SPRED2: variants seen among roughly 807,000 people sequenced by gnomAD.
The protein encoded by SPRED2 is sprouty related EVH1 domain containing 2.
SPRED2 carries 47 observed loss-of-function variants against 43.0 expected under a neutral mutation model. The ratio of observed to expected loss-of-function variants is 1.09; its 90% confidence interval spans 0.87 to 1.40. SPRED2 has a LOEUF of 1.40. Among genes scored for constraint, SPRED2 ranks in the 40% most tolerant of loss-of-function variants. The pLI, the probability that SPRED2 is intolerant of heterozygous loss-of-function variation, is 0.00. For synonymous variants in SPRED2, 225 were observed against 225.7 expected, an observed-to-expected ratio of 1.00 and a Z score of 0.03; for missense variants, 561 against 586.4, an observed-to-expected ratio of 0.96 and a Z score of 0.45.
chr2:65,379,118 C>A (rs915975997), intron 1 of SPRED2, among the ~76,000 whole-genome samples: 2 of 152,092 alleles, frequency 1.3e-5, no homozygotes, highest in African/African-American at 4.8e-5. Context: ...AGGGACTTGG[C>A]AAACAGGTTA....
chr2:65,377,434 C>A (rs1427872413), intron 1 of SPRED2, among the ~76,000 whole-genome samples: 1 of 152,208 alleles, frequency 6.6e-6, no homozygotes, highest in African/African-American at 2.4e-5. Flanking sequence ...ATTATTTAGG[C>A]TGCCCATTCT....
chr2:65,358,937 G>A (rs1039518073), intron 1 of SPRED2, among the ~76,000 whole-genome samples: 1 of 152,218 alleles, frequency 6.6e-6, no homozygotes, highest in Non-Finnish European at 1.5e-5. Flanking sequence ...GGGAGAAAAG[G>A]TAAGGAGGAG....
At chr2:65,409,026 C>T (rs1383376496) in intron 1 of SPRED2, among the ~76,000 whole-genome samples, 2 of 152,180 alleles carry the variant, frequency 1.3e-5, no homozygotes, top group Non-Finnish European at 2.9e-5. Flanking sequence ...ACCTCTTCAT[C>T]GACCCCAGAC....
At chr2:65,416,789 T>C (rs1395862171) in intron 1 of SPRED2, among the ~76,000 whole-genome samples, 3 of 152,146 alleles carry the variant, frequency 2.0e-5, no homozygotes, top group Non-Finnish European at 4.4e-5. Flanking sequence ...CTCCGGATAC[T>C]GTGTCTTGGT....
intron 1 of SPRED2, among the ~76,000 whole-genome samples, chr2:65,373,045 T>G (rs889481641): frequency 2.6e-5 from 4 of 152,242 alleles, no homozygotes; most frequent in Admixed American, 2.6e-4. Flanking sequence ...GCTGTGGACA[T>G]GGAAATGTCT....
intron 1 of SPRED2, among the ~76,000 whole-genome samples, chr2:65,400,324 T>A (rs1166708938): frequency 2.0e-5 from 3 of 152,244 alleles, no homozygotes; most frequent in Non-Finnish European, 4.4e-5. Flanking sequence ...CTATATTAAA[T>A]ATTGCCTCCC....
chr2:65,339,221 G>C (rs1674103403), intron 2 of SPRED2, among the ~76,000 whole-genome samples: 1 of 151,736 alleles, frequency 6.6e-6, no homozygotes, highest in Non-Finnish European at 1.5e-5. Context: ...CCGTCTGGGA[G>C]GTGTGCCCAA....
chr2:65,312,272 G>A lies in SPRED2; in HGVS notation c.*1229C>T. ...TGCAGGAGAAAGACACTTAGGCATT[G>A]GAAGGGTTTTTACATATGGCCTTGT... On this transcript the variant is annotated 3_prime_UTR_variant, in exon 6 of 6. Transcript: ENST00000356388. The A allele has an allele frequency of 1.0e-6, 1 of 985,534 alleles. No homozygotes were observed. The highest frequency in any genetic ancestry group is 1.2e-6 in the Non-Finnish European group (1 of 829,932). The allele number at this position is 985,534 out of a possible 1,614,324, so 61.0% of individuals were successfully genotyped here. A position where few individuals can be genotyped will look rare whatever the true frequency, so the allele number is the denominator to read the frequency against.
At chr2:65,412,979 A>T (rs1041463444) in intron 1 of SPRED2, among the ~76,000 whole-genome samples, 4 of 152,186 alleles carry the variant, frequency 2.6e-5, no homozygotes, top group Non-Finnish European at 5.9e-5. Flanking sequence ...TAAGCAGATC[A>T]TTCACCTTCT....
chr2:65,413,924 C>T (rs1457001969), intron 1 of SPRED2, among the ~76,000 whole-genome samples: 1 of 152,150 alleles, frequency 6.6e-6, no homozygotes, highest in Non-Finnish European at 1.5e-5. Context: ...TATAAATTTT[C>T]AACAATCAAG....
rs202087162 is a variant in SPRED2 at position 65,338,169 on chromosome 2, CG to C, written c.205-3397del. 2.1e-3 allele frequency among the ~76,000 whole-genome samples: 114 copies of C among 53,532 alleles called. 5 individuals carry two copies. The East Asian group carries it at 0.033, about 16-fold the overall frequency. 35.1% of individuals were successfully genotyped at this position (53,532 alleles called of 152,430 possible). ...CTCTCCCTCTCCCGTCTCCCTCTCC[CG>C]TCTCCCGTCTCCCTCTCCCTCTCCC... is the stretch of plus-strand genomic sequence containing the variant. On this transcript the variant is annotated intron_variant, in intron 2 of 5. Transcript: ENST00000356388.
At chr2:65,336,184 G>C (rs1327088075) in intron 2 of SPRED2, among the ~76,000 whole-genome samples, 1 of 152,048 alleles carries the variant, frequency 6.6e-6, no homozygotes, top group Non-Finnish European at 1.5e-5. Flanking sequence ...GCAGGACCCT[G>C]TCTCTAACTA....
chr2:65,307,541 C>T (rs576127533), downstream of SPRED2, among the ~76,000 whole-genome samples: 97 of 139,394 alleles, frequency 7.0e-4, no homozygotes, highest in African/African-American at 2.5e-3. Context: ...ATAATCACAA[C>T]CCCTTCTCAA....
intron 4 of SPRED2, among the ~76,000 whole-genome samples, chr2:65,323,222 T>A (rs909606797): frequency 1.3e-5 from 2 of 152,130 alleles, no homozygotes; most frequent in African/African-American, 4.8e-5. Context: ...CTCCAACTCC[T>A]GACCTCAGGT....
intron 1 of SPRED2, among the ~76,000 whole-genome samples, chr2:65,383,719 T>C (rs1675429007): frequency 6.6e-6 from 1 of 152,192 alleles, no homozygotes; most frequent in African/African-American, 2.4e-5. Context: ...ATTTGGAGAA[T>C]ATAATTTAGG....
intron 1 of SPRED2, among the ~76,000 whole-genome samples, chr2:65,383,750 C>T (rs1196446281): frequency 6.6e-6 from 1 of 152,150 alleles, no homozygotes; most frequent in East Asian, 1.9e-4. Flanking sequence ...TAAACATGTA[C>T]AGGAAATACT....
chr2:65,407,151 T>C (rs867622365), intron 1 of SPRED2, among the ~76,000 whole-genome samples: 23 of 151,000 alleles, frequency 1.5e-4, no homozygotes, highest in African/African-American at 5.1e-4. Flanking sequence ...ATGGTCTCGA[T>C]CTCCTGACCC....
At chr2:65,418,907 G>T (rs1045448476) in intron 1 of SPRED2, among the ~76,000 whole-genome samples, 1 of 150,186 alleles carries the variant, frequency 6.7e-6, no homozygotes, top group Non-Finnish European at 1.5e-5. Context: ...ATGCTTATAA[G>T]TAAGAATAAA....
At chr2:65,365,684 G>C in intron 1 of SPRED2, among the ~76,000 whole-genome samples, 1 of 152,316 alleles carries the variant, frequency 6.6e-6, no homozygotes, top group Admixed American at 6.5e-5. Flanking sequence ...AGCATAAATA[G>C]TACTGCTATA....
Sources: gnomAD v4.1 joint callset for allele counts (sites outside exome capture counted in the v4.1 genomes callset) on GRCh38, gnomAD v4.1.1 for gene constraint, MANE v1.5 for transcripts, NCBI Gene and HGNC (gene_info 2026-07-23, HGNC 2026-07-21) for gene names.